DGKB: variants seen among roughly 807,000 people sequenced by gnomAD.
DGKB encodes diacylglycerol kinase beta, also known as 90 kDa diacylglycerol kinase.
Under a neutral mutation model 114.3 loss-of-function variants are expected in DGKB, and 67 were observed. That is an observed-to-expected ratio of 0.59 (90% CI 0.48 to 0.72). DGKB has a LOEUF of 0.72. Ranked by LOEUF, DGKB falls within the 30% of genes least tolerant of loss-of-function variation. DGKB has a pLI of 0.00. For missense variants in DGKB, 907 were observed against 975.2 expected, an observed-to-expected ratio of 0.93 and a Z score of 0.93; for synonymous variants, 398 against 323.1, an observed-to-expected ratio of 1.23 and a Z score of -2.49.
intron 25 of DGKB, among the ~76,000 whole-genome samples, chr7:14,154,724 T>C (rs1473128647): frequency 2.0e-5 from 3 of 150,968 alleles, no homozygotes; most frequent in Non-Finnish European, 3.0e-5. Context: ...TATTTCCAGA[T>C]ATGGAGTAAA....
At chr7:14,571,997 G>A (rs1022361893) in intron 20 of DGKB, among the ~76,000 whole-genome samples, 1 of 152,116 alleles carries the variant, frequency 6.6e-6, no homozygotes, top group Admixed American at 6.5e-5. Context: ...AACAAAAAAC[G>A]AGGAGATATG....
intron 15 of DGKB, among the ~76,000 whole-genome samples, chr7:14,613,978 C>T (rs1262632866): frequency 2.6e-5 from 4 of 152,074 alleles, no homozygotes; most frequent in Admixed American, 6.6e-5. Context: ...TTCCTCCTTG[C>T]TGAATAGGTT....
At chr7:14,568,053 T>C (rs1379543893) in intron 20 of DGKB, among the ~76,000 whole-genome samples, 1 of 152,196 alleles carries the variant, frequency 6.6e-6, no homozygotes, top group Non-Finnish European at 1.5e-5. Context: ...CCTGGGATAT[T>C]TAAAGATATC....
intron 21 of DGKB, among the ~76,000 whole-genome samples, chr7:14,360,964 A>G (rs1193712583): frequency 6.6e-6 from 1 of 152,102 alleles, no homozygotes; most frequent in Non-Finnish European, 1.5e-5. Flanking sequence ...TTTAGATGCT[A>G]TATTTTGTAA....
intron 9 of DGKB, among the ~76,000 whole-genome samples, chr7:14,692,664 G>C (rs1024364823): frequency 6.6e-6 from 1 of 150,672 alleles, no homozygotes; most frequent in Admixed American, 6.6e-5. Flanking sequence ...TTTAAGTGTA[G>C]AACTACATAC....
intron 1 of DGKB, among the ~76,000 whole-genome samples, chr7:14,917,746 A>T (rs1376255528): frequency 1.3e-5 from 2 of 152,002 alleles, no homozygotes; most frequent in Non-Finnish European, 2.9e-5. Flanking sequence ...TACAAGCAGA[A>T]AGACCACTTC....
chr7:14,323,579 A>AGTGAGAAGCC (rs1461495957), intron 23 of DGKB, among the ~76,000 whole-genome samples: 6 of 152,208 alleles, frequency 3.9e-5, no homozygotes, highest in African/African-American at 1.4e-4. Flanking sequence ...GAAAGAAGCA[A>AGTGAGAAGCC]GTGAGAAGCC....
intron 24 of DGKB, 25 bp downstream of exon 24, chr7:14,178,006 T>C: frequency 1.3e-6 from 2 of 1,525,418 alleles, no homozygotes; most frequent in South Asian, 1.3e-5. Context: ...TCAAACGCCT[T>C]TGTCAGTTAC....
chr7:14,437,171 A>T (rs1016290734), intron 21 of DGKB, among the ~76,000 whole-genome samples: 2 of 152,068 alleles, frequency 1.3e-5, no homozygotes, highest in African/African-American at 4.8e-5. Context: ...TTATTTTTAA[A>T]TATATAGAGG....
At position 14,149,126 on chromosome 7, in the gene DGKB, C is replaced by G. The variant is rs373829323; in HGVS notation, c.*5G>C. ...TTCAATTTCTAAGAGTGAAACAACA[C>G]AGGATTATTCCTTGCTTCGGTTTCT... On this transcript the variant is annotated 3_prime_UTR_variant, in exon 26 of 26. Coordinates refer to ENST00000402815, the MANE Select transcript of DGKB (RefSeq NM_001350709.2). The G allele has an allele frequency of 1.2e-6, 2 of 1,611,574 alleles. No homozygotes were observed. The highest frequency in any genetic ancestry group is 1.3e-5 in the African/African-American group (1 of 74,952).
At chr7:14,680,642 T>A (rs1820662490) in intron 12 of DGKB, among the ~76,000 whole-genome samples, 1 of 151,880 alleles carries the variant, frequency 6.6e-6, no homozygotes, top group Non-Finnish European at 1.5e-5. Flanking sequence ...AAAGGAAGAA[T>A]TTTAAGATGC....
intron 1 of DGKB, among the ~76,000 whole-genome samples, chr7:14,845,168 TCC>T (rs1256919673): frequency 7.4e-6 from 1 of 134,378 alleles, no homozygotes; most frequent in Non-Finnish European, 1.7e-5. Flanking sequence ...AAGAAAAATA[TCC>T]CCCAGTTCAT....
chr7:14,187,193 G>C (rs1783573224), intron 23 of DGKB, among the ~76,000 whole-genome samples: 1 of 152,126 alleles, frequency 6.6e-6, no homozygotes, highest in Non-Finnish European at 1.5e-5. Flanking sequence ...ATACCATGTG[G>C]GGTAATGTAT....
At chr7:14,875,453 G>C (rs1374480576) in intron 1 of DGKB, among the ~76,000 whole-genome samples, 1 of 152,050 alleles carries the variant, frequency 6.6e-6, no homozygotes, top group Non-Finnish European at 1.5e-5. Flanking sequence ...ACTATAATCT[G>C]AAATATACCA....
chr7:14,590,149 T>A (rs1379091683), intron 17 of DGKB, among the ~76,000 whole-genome samples: 1 of 96,226 alleles, frequency 1.0e-5, no homozygotes, highest in Admixed American at 1.0e-4. Context: ...ACCCTAAAAC[T>A]TAAAGTATAA....
chr7:14,410,233 T>C (rs1325330096), intron 21 of DGKB, among the ~76,000 whole-genome samples: 1 of 151,460 alleles, frequency 6.6e-6, no homozygotes, highest in Non-Finnish European at 1.5e-5. Flanking sequence ...TACATATACA[T>C]GCACACATGT....
chr7:14,197,913 T>G (rs1476671), intron 23 of DGKB, among the ~76,000 whole-genome samples: 69,510 of 151,816 alleles, frequency 0.46, 18,481 homozygotes, highest in African/African-American at 0.74. Context: ...TCTGACACAG[T>G]CCTCCTAAGT....
At chr7:14,363,954 T>A (rs891707574) in intron 21 of DGKB, among the ~76,000 whole-genome samples, 2 of 151,942 alleles carry the variant, frequency 1.3e-5, no homozygotes, top group Non-Finnish European at 2.9e-5. Flanking sequence ...GACTTTAACA[T>A]AGAAGAAAAG....
At chr7:14,535,832 C>G (rs7783036) in intron 20 of DGKB, among the ~76,000 whole-genome samples, 2 of 151,696 alleles carry the variant, frequency 1.3e-5, no homozygotes, top group Admixed American at 1.3e-4. Context: ...TGATCCACCC[C>G]CCTCAGCCTC....
Sources: allele counts gnomAD v4.1 joint callset (sites outside exome capture counted in the v4.1 genomes callset), GRCh38; gene constraint gnomAD v4.1.1; transcripts MANE v1.5; gene names NCBI Gene and HGNC (gene_info 2026-07-23, HGNC 2026-07-21).